PTPRD: variants seen among roughly 807,000 people sequenced by gnomAD.
PTPRD encodes the protein receptor-type tyrosine-protein phosphatase delta.
In PTPRD, 34 loss-of-function variants were observed where a neutral mutation model predicts 214.5. The observed-to-expected ratio is 0.16, with a 90% CI of 0.12 to 0.21. The LOEUF is 0.21. Ranked by LOEUF, PTPRD falls within the 10% of genes least tolerant of loss-of-function variation. The pLI is 1.00. For missense variants in PTPRD, 2,545 were observed against 2,398.7 expected (o/e 1.06, Z -1.27); for synonymous variants, 1,128 against 845.7 (o/e 1.33, Z -5.79).
chr9:8,589,193 T>C (rs1361236699), intron 14 of PTPRD, among the ~76,000 whole-genome samples: 1 of 151,828 alleles, frequency 6.6e-6, no homozygotes, highest in Admixed American at 6.6e-5. Context: ...CTATGAAGAG[T>C]TGCTGTGCTG....
At chr9:10,212,767 G>A (rs575262511) in intron 3 of PTPRD, among the ~76,000 whole-genome samples, 9 of 152,228 alleles carry the variant, frequency 5.9e-5, no homozygotes, top group African/African-American at 2.2e-4. Context: ...TGATTTCACA[G>A]CTGAACTTGC....
chr9:8,800,681 C>G (rs1437767986), intron 11 of PTPRD, among the ~76,000 whole-genome samples: 1 of 152,158 alleles, frequency 6.6e-6, no homozygotes, highest in Non-Finnish European at 1.5e-5. Flanking sequence ...CAACCAGCAG[C>G]CTCGGGGCTG....
At chr9:9,726,929 T>A (rs1252377358) in intron 7 of PTPRD, among the ~76,000 whole-genome samples, 1 of 152,198 alleles carries the variant, frequency 6.6e-6, no homozygotes, top group African/African-American at 2.4e-5. Context: ...CCCAAGGTTT[T>A]GTTAAAAAGT....
chr9:8,813,469 G>A (rs1011190153), intron 11 of PTPRD, among the ~76,000 whole-genome samples: 2 of 152,144 alleles, frequency 1.3e-5, no homozygotes, highest in Non-Finnish European at 2.9e-5. Flanking sequence ...CTCCTAGGCT[G>A]AAGCAATCCT....
At chr9:9,600,433 G>GTCAGC (rs4008094) in intron 7 of PTPRD, among the ~76,000 whole-genome samples, 1 of 151,410 alleles carries the variant, frequency 6.6e-6, no homozygotes, top group Non-Finnish European at 1.5e-5. Context: ...CATTGTATTA[G>GTCAGC]CCCCCGTTTT....
chr9:8,615,238 G>A (rs995335960), intron 14 of PTPRD, among the ~76,000 whole-genome samples: 2 of 142,096 alleles, frequency 1.4e-5, no homozygotes, highest in African/African-American at 3.1e-5. Flanking sequence ...GCGTTAATGG[G>A]AGCTGTGGGA....
chr9:10,305,420 G>C (rs2096028491), intron 3 of PTPRD, among the ~76,000 whole-genome samples: 1 of 147,106 alleles, frequency 6.8e-6, no homozygotes, highest in South Asian at 2.1e-4. Context: ...ATTGACAAAT[G>C]GGATCTGATT....
intron 39 of PTPRD, among the ~76,000 whole-genome samples, chr9:8,343,976 T>C (rs997207576): frequency 1.3e-5 from 2 of 152,044 alleles, no homozygotes; most frequent in African/African-American, 4.8e-5. Flanking sequence ...TAGTGTTTGA[T>C]CAGGAATAAA....
chr9:9,952,023 G>C (rs2093499988), intron 4 of PTPRD, among the ~76,000 whole-genome samples: 1 of 152,154 alleles, frequency 6.6e-6, no homozygotes, highest in Admixed American at 6.5e-5. Flanking sequence ...ATGAAATAAA[G>C]ATGCTGGAAT....
intron 8 of PTPRD, among the ~76,000 whole-genome samples, chr9:9,448,703 T>A (rs998277861): frequency 2.6e-5 from 4 of 152,096 alleles, no homozygotes; most frequent in Admixed American, 2.0e-4. Context: ...TACATGGGCA[T>A]GATATTTAAT....
At chr9:10,416,518 G>A (rs2098490599) in intron 2 of PTPRD, among the ~76,000 whole-genome samples, 1 of 151,830 alleles carries the variant, frequency 6.6e-6, no homozygotes, top group African/African-American at 2.4e-5. Flanking sequence ...AGATTTCACT[G>A]GGAAAATAAA....
chr9:10,413,313 C>A (rs2098456208), intron 2 of PTPRD, among the ~76,000 whole-genome samples: 1 of 151,876 alleles, frequency 6.6e-6, no homozygotes, highest in Non-Finnish European at 1.5e-5. Flanking sequence ...TGTACACCAA[C>A]AACGACCAAG....
chr9:10,501,813 A>G (rs566234161), intron 2 of PTPRD, among the ~76,000 whole-genome samples: 28 of 152,138 alleles, frequency 1.8e-4, no homozygotes, highest in Non-Finnish European at 2.1e-4. Flanking sequence ...CTTTGTTGAC[A>G]AATTCAACAC....
chr9:8,702,260 A>T (rs562227904), intron 12 of PTPRD, among the ~76,000 whole-genome samples: 1 of 78,378 alleles, frequency 1.3e-5, no homozygotes, highest in South Asian at 4.3e-4. Flanking sequence ...TGTGTAAAGT[A>T]AAAAAAAAAA....
chr9:9,782,823 C>A (rs1006850867), intron 5 of PTPRD, among the ~76,000 whole-genome samples: 2 of 152,114 alleles, frequency 1.3e-5, no homozygotes, highest in African/African-American at 4.8e-5. Flanking sequence ...TCAGGAAACC[C>A]ACAAAACGAA....
At chr9:9,584,627 A>G (rs188418960) in intron 7 of PTPRD, among the ~76,000 whole-genome samples, 1 of 152,060 alleles carries the variant, frequency 6.6e-6, no homozygotes, top group Admixed American at 6.6e-5. Flanking sequence ...ATCCATGTGC[A>G]TCTTCATCCA....
At chr9:9,214,684 A>G (rs1468428903) in intron 9 of PTPRD, among the ~76,000 whole-genome samples, 1 of 152,146 alleles carries the variant, frequency 6.6e-6, no homozygotes, top group Non-Finnish European at 1.5e-5. Context: ...AAAAACGCCA[A>G]TATTTTTATC....
intron 3 of PTPRD, among the ~76,000 whole-genome samples, chr9:10,073,456 A>C (rs1460764522): frequency 1.3e-5 from 2 of 152,176 alleles, no homozygotes; most frequent in African/African-American, 4.8e-5. Flanking sequence ...TGATAATGAA[A>C]AACGGTATTC....
chr9:9,069,069 T>A (rs1170099977), intron 10 of PTPRD, among the ~76,000 whole-genome samples: 2 of 152,202 alleles, frequency 1.3e-5, no homozygotes, highest in Non-Finnish European at 2.9e-5. Context: ...AGAATATGCT[T>A]TTATTCAATA....
Sources: allele counts gnomAD v4.1 joint callset (sites outside exome capture counted in the v4.1 genomes callset), GRCh38; gene constraint gnomAD v4.1.1; transcripts MANE v1.5; gene names NCBI Gene and HGNC (gene_info 2026-07-23, HGNC 2026-07-21).